ZCCHC7: variants seen among roughly 807,000 people sequenced by gnomAD.
ZCCHC7 encodes the protein zinc finger CCHC domain-containing protein 7.
Under a neutral mutation model 52.0 loss-of-function variants are expected in ZCCHC7, and 35 were observed. The ratio of observed to expected loss-of-function variants is 0.67; its 90% CI spans 0.51 to 0.89. The LOEUF (loss-of-function observed/expected upper bound fraction) is 0.89. Ranked by LOEUF, ZCCHC7 falls within the 40% of genes least tolerant of loss-of-function variation. ZCCHC7 has a pLI of 0.00. For missense variants in ZCCHC7, 574 were observed against 649.1 expected, an observed-to-expected ratio of 0.88 and a Z score of 1.26; for synonymous variants, 217 against 221.5, an observed-to-expected ratio of 0.98 and a Z score of 0.18.
chr9:37,281,268 G>A (rs1407796805), intron 2 of ZCCHC7, among the ~76,000 whole-genome samples: 9 of 152,040 alleles, frequency 5.9e-5, no homozygotes, highest in African/African-American at 9.7e-5. Context: ...CTCCTGCCTC[G>A]GCCTCCCACA....
chr9:37,185,784 G>T (rs752570900), intron 2 of ZCCHC7, among the ~76,000 whole-genome samples: 2 of 152,140 alleles, frequency 1.3e-5, no homozygotes, highest in African/African-American at 2.4e-5. Context: ...CTCACCTCAA[G>T]ATCCTTAATT....
chr9:37,312,845 T>G (rs1829655520), intron 5 of ZCCHC7, among the ~76,000 whole-genome samples: 1 of 152,200 alleles, frequency 6.6e-6, no homozygotes, highest in Non-Finnish European at 1.5e-5. Context: ...TCAACTTATT[T>G]GAAGAGAAAC....
intron 2 of ZCCHC7, among the ~76,000 whole-genome samples, chr9:37,288,925 C>T (rs962527228): frequency 2.6e-5 from 4 of 152,086 alleles, no homozygotes; most frequent in East Asian, 1.9e-4. Context: ...ATTTTATTTC[C>T]GGTTCAGATC....
At chr9:37,235,676 C>T (rs941181687) in intron 2 of ZCCHC7, among the ~76,000 whole-genome samples, 6 of 151,210 alleles carry the variant, frequency 4.0e-5, no homozygotes, top group African/African-American at 1.5e-4. Context: ...TTGCAACCTC[C>T]GACTCCCTGT....
At chr9:37,230,567 A>C (rs1352739350) in intron 2 of ZCCHC7, among the ~76,000 whole-genome samples, 2 of 152,208 alleles carry the variant, frequency 1.3e-5, no homozygotes, top group Non-Finnish European at 2.9e-5. Context: ...TATTGGAGTT[A>C]GGTTGGTAGC....
At chr9:37,279,016 T>TA (rs1398074303) in intron 2 of ZCCHC7, among the ~76,000 whole-genome samples, 9 of 152,120 alleles carry the variant, frequency 5.9e-5, no homozygotes, top group Non-Finnish European at 8.8e-5. Context: ...CTGTCTCTAT[T>TA]AAAAAAATTA....
At chr9:37,321,196 G>C (rs958372459) in intron 5 of ZCCHC7, among the ~76,000 whole-genome samples, 3 of 151,726 alleles carry the variant, frequency 2.0e-5, no homozygotes, top group Non-Finnish European at 4.4e-5. Flanking sequence ...CATCGTGTTA[G>C]CCAGGATGGT....
At chr9:37,244,794 A>C (rs891621808) in intron 2 of ZCCHC7, among the ~76,000 whole-genome samples, 1 of 151,894 alleles carries the variant, frequency 6.6e-6, no homozygotes. Flanking sequence ...TGTGGAATAG[A>C]ATCCAGTGTT....
At chr9:37,249,666 G>A (rs555556160) in intron 2 of ZCCHC7, among the ~76,000 whole-genome samples, 1 of 151,964 alleles carries the variant, frequency 6.6e-6, no homozygotes, top group African/African-American at 2.4e-5. Context: ...GGCCAGGGTG[G>A]TCTCAATCTG....
At chr9:37,353,130 C>T (rs1821495821) in intron 7 of ZCCHC7, among the ~76,000 whole-genome samples, 1 of 151,994 alleles carries the variant, frequency 6.6e-6, no homozygotes, top group African/African-American at 2.4e-5. Context: ...ACTTAAGATA[C>T]TATATAAATG....
intron 2 of ZCCHC7, among the ~76,000 whole-genome samples, chr9:37,195,834 A>G (rs1453420162): frequency 6.6e-6 from 1 of 152,232 alleles, no homozygotes; most frequent in Non-Finnish European, 1.5e-5. Flanking sequence ...TACTGCAAGT[A>G]AATAAAATAT....
At chr9:37,304,633 G>A (rs1829215053) in intron 4 of ZCCHC7, among the ~76,000 whole-genome samples, 1 of 150,746 alleles carries the variant, frequency 6.6e-6, no homozygotes, top group Non-Finnish European at 1.5e-5. Context: ...TCCAGCCTGG[G>A]TGACAAAGTG....
At chr9:37,142,712 G>A (rs1843281096) in intron 2 of ZCCHC7, among the ~76,000 whole-genome samples, 1 of 151,642 alleles carries the variant, frequency 6.6e-6, no homozygotes, top group Non-Finnish European at 1.5e-5. Context: ...GGCTTCATGA[G>A]TTTGTAAAAC....
At chr9:37,143,986 T>TTTCTTGTAAGGACA (rs1461222105) in intron 2 of ZCCHC7, among the ~76,000 whole-genome samples, 2 of 151,910 alleles carry the variant, frequency 1.3e-5, no homozygotes, top group Non-Finnish European at 2.9e-5. Context: ...AATAATTTTA[T>TTTCTTGTAAGGACA]TTCTTGTAAG....
chr9:37,295,742 C>T (rs539148990), intron 2 of ZCCHC7, among the ~76,000 whole-genome samples: 2 of 152,136 alleles, frequency 1.3e-5, no homozygotes, highest in South Asian at 4.2e-4. Flanking sequence ...AAAATAATTC[C>T]ATTTTAGTGA....
intron 6 of ZCCHC7, among the ~76,000 whole-genome samples, chr9:37,332,871 A>G (rs1030621727): frequency 6.6e-6 from 1 of 151,678 alleles, no homozygotes; most frequent in Non-Finnish European, 1.5e-5. Flanking sequence ...ACATTTCCTC[A>G]GATATTTAGA....
At chr9:37,305,487 A>T (rs1003334217) in intron 4 of ZCCHC7, 57 bp from the exon 5 acceptor site, 38 of 1,590,514 alleles carry the variant, frequency 2.4e-5, no homozygotes, top group Non-Finnish European at 3.1e-5. Flanking sequence ...TGAAAAACAA[A>T]TACTAATCTT....
intron 6 of ZCCHC7, among the ~76,000 whole-genome samples, chr9:37,336,501 G>A (rs1457964939): frequency 6.6e-6 from 1 of 152,148 alleles, no homozygotes; most frequent in Non-Finnish European, 1.5e-5. Flanking sequence ...ATGGCAGGTG[G>A]TGGGAGGGCC....
intron 7 of ZCCHC7, among the ~76,000 whole-genome samples, chr9:37,349,860 T>G (rs535559289): frequency 1.3e-5 from 2 of 152,262 alleles, no homozygotes; most frequent in East Asian, 3.9e-4. Context: ...CGATCTCAGC[T>G]CACTGCAACC....
Sources: allele counts gnomAD v4.1 joint callset (sites outside exome capture counted in the v4.1 genomes callset), GRCh38; gene constraint gnomAD v4.1.1; transcripts MANE v1.5; gene names NCBI Gene and HGNC (gene_info 2026-07-23, HGNC 2026-07-21).